The following NAALADL2 variants were observed in gnomAD, a reference collection of about 807,000 sequenced individuals.
NAALADL2 encodes N-acetylated alpha-linked acidic dipeptidase like 2.
NAALADL2 carries 76 observed loss-of-function variants against 87.2 expected under a neutral mutation model. The observed-to-expected ratio is 0.87, with a 90% CI of 0.72 to 1.05. The LOEUF is 1.05. NAALADL2 is among the 50% of genes least tolerant of loss of function. The pLI is 0.00. For synonymous variants in NAALADL2, 354 were observed against 331.0 expected (o/e 1.07, Z -0.75); for missense variants, 1,089 against 945.8 (o/e 1.15, Z -1.99).
chr3:174,650,949 G>T (rs113844966), intron 2 of NAALADL2, among the ~76,000 whole-genome samples: 4,260 of 151,870 alleles, frequency 0.028, 151 homozygotes, highest in African/African-American at 0.085. Context: ...TTATGCATTT[G>T]GCCCTATTCA....
At position 174,656,292 on chromosome 3, in the gene NAALADL2, C is replaced by A. The variant is rs138681764; in HGVS notation, c.-114-81349C>A. 8.3e-4 allele frequency among the ~76,000 whole-genome samples: 127 copies of A among 152,270 alleles called. 1 individual carries two copies. The highest frequency in any genetic ancestry group is 2.9e-3 in the African/African-American group (119 of 41,562). ...GAATTCCCCATCATGCAGAGAGAAA[C>A]AGAACTGAAGGATAGAGAAATTTCC... On this transcript the variant is annotated intron_variant, in intron 2 of 3. Coordinates refer to the NAALADL2 transcript ENST00000434257.
chr3:175,737,849 G>T lies in NAALADL2; in HGVS notation c.1990+450G>T, dbSNP rs142851284. Among the ~76,000 whole-genome samples, 55 of 148,156 alleles carry T rather than the reference G, an allele frequency of 3.7e-4. No individual in the cohort carries two copies. The East Asian group carries it at 0.01, about 28-fold the overall frequency. On this transcript the variant is annotated intron_variant, in intron 12 of 13. Transcript: ENST00000454872. ...CCCCATTCCATTTGACTGAGTTATT[G>T]GCTCAGACTTTAGATCAAAGATGAT...
At chr3:175,029,165 A>C (rs1474538364) in intron 1 of NAALADL2, among the ~76,000 whole-genome samples, 2 of 151,976 alleles carry the variant, frequency 1.3e-5, no homozygotes, top group Non-Finnish European at 2.9e-5. Context: ...GATGAACAAA[A>C]GATGTATGGT....
At chr3:174,723,909 G>A (rs953435348) in intron 2 of NAALADL2, among the ~76,000 whole-genome samples, 1 of 151,930 alleles carries the variant, frequency 6.6e-6, no homozygotes, top group African/African-American at 2.4e-5. Flanking sequence ...GCCGCTATTA[G>A]TACGTATGGT....
intron 1 of NAALADL2, among the ~76,000 whole-genome samples, chr3:174,469,467 C>T (rs1257714767): frequency 2.0e-5 from 3 of 151,002 alleles, no homozygotes; most frequent in South Asian, 2.1e-4. Flanking sequence ...CTCGCTCTGT[C>T]TCCCAGACTG....
intron 4 of NAALADL2, among the ~76,000 whole-genome samples, chr3:175,304,527 C>T (rs577745785): frequency 6.6e-6 from 1 of 152,256 alleles, no homozygotes; most frequent in African/African-American, 2.4e-5. Context: ...GGCATTGTTT[C>T]TGCCTGTTGT....
intron 4 of NAALADL2, among the ~76,000 whole-genome samples, chr3:175,287,451 A>C (rs1015504915): frequency 6.6e-6 from 1 of 152,162 alleles, no homozygotes; most frequent in African/African-American, 2.4e-5. Context: ...TAATACATTA[A>C]CTCAGTAACC....
intron 13 of NAALADL2, among the ~76,000 whole-genome samples, chr3:175,756,938 T>C (rs903222628): frequency 2.4e-4 from 36 of 151,418 alleles, no homozygotes; most frequent in Admixed American, 2.6e-4. Context: ...ATATGACATA[T>C]TTAATGTATG....
intron 9 of NAALADL2, among the ~76,000 whole-genome samples, chr3:175,492,570 C>T (rs1021072317): frequency 6.6e-6 from 1 of 152,042 alleles, no homozygotes; most frequent in Non-Finnish European, 1.5e-5. Context: ...GAAACAGTAC[C>T]CGGAGCGAAG....
chr3:174,881,450 C>T (rs1177281483), intron 1 of NAALADL2, among the ~76,000 whole-genome samples: 1 of 152,060 alleles, frequency 6.6e-6, no homozygotes, highest in African/African-American at 2.4e-5. Context: ...ACTCACGTTT[C>T]TGTGGTGAAA....
chr3:174,645,541 G>A (rs1468557453), intron 2 of NAALADL2, among the ~76,000 whole-genome samples: 2 of 152,052 alleles, frequency 1.3e-5, no homozygotes, highest in Non-Finnish European at 2.9e-5. Context: ...AATTGGTAAT[G>A]TTTTCTCCCT....
intron 5 of NAALADL2, among the ~76,000 whole-genome samples, chr3:175,378,146 C>T (rs1380241712): frequency 1.3e-5 from 2 of 151,530 alleles, no homozygotes; most frequent in African/African-American, 2.4e-5. Flanking sequence ...CAAGTCCAGA[C>T]ACTGCCATGG....
At chr3:174,642,761 T>G (rs1314740938) in intron 2 of NAALADL2, among the ~76,000 whole-genome samples, 1 of 33,052 alleles carries the variant, frequency 3.0e-5, no homozygotes, top group African/African-American at 1.7e-4. Flanking sequence ...TATATATATA[T>G]ATATATATAT....
chr3:175,707,913 A>G (rs1399915721), intron 11 of NAALADL2, among the ~76,000 whole-genome samples: 1 of 152,078 alleles, frequency 6.6e-6, no homozygotes, highest in African/African-American at 2.4e-5. Flanking sequence ...AATATAGCAC[A>G]AGTGCATATT....
chr3:175,396,600 A>G (rs1769825032), intron 5 of NAALADL2, among the ~76,000 whole-genome samples: 2 of 152,074 alleles, frequency 1.3e-5, no homozygotes, highest in Admixed American at 1.3e-4. Context: ...GACGCCAGAA[A>G]TCTAGGTCTT....
intron 11 of NAALADL2, among the ~76,000 whole-genome samples, chr3:175,649,644 C>CAG (rs1196721599): frequency 1.3e-5 from 2 of 152,166 alleles, no homozygotes; most frequent in South Asian, 4.2e-4. Context: ...TGGATAGAGA[C>CAG]AGAGAGAGAG....
chr3:175,074,778 T>C (rs1170425704), intron 1 of NAALADL2, among the ~76,000 whole-genome samples: 5 of 151,896 alleles, frequency 3.3e-5, no homozygotes, highest in African/African-American at 1.2e-4. Context: ...TGCATGGGAG[T>C]AGACTGATGA....
At chr3:175,000,086 A>C (rs972932385) in intron 1 of NAALADL2, among the ~76,000 whole-genome samples, 12 of 152,196 alleles carry the variant, frequency 7.9e-5, no homozygotes, top group African/African-American at 2.7e-4. Flanking sequence ...CTAAAATATA[A>C]ATAAACTTCA....
intron 11 of NAALADL2, among the ~76,000 whole-genome samples, chr3:175,666,612 C>T (rs1733037538): frequency 6.6e-6 from 1 of 152,066 alleles, no homozygotes. Flanking sequence ...GATGAGCCCA[C>T]CAAAAGAGTT....
Sources: gnomAD v4.1 joint callset for allele counts (sites outside exome capture counted in the v4.1 genomes callset) on GRCh38, gnomAD v4.1.1 for gene constraint, MANE v1.5 for transcripts, NCBI Gene and HGNC (gene_info 2026-07-23, HGNC 2026-07-21) for gene names.